The following CFAP96 variants were observed in gnomAD, a reference collection of about 807,000 sequenced individuals.
The protein encoded by CFAP96 is cilia and flagella associated protein 96, also known as cilia-and flagella-associated protein 96.
chr4:185,432,985 G>A, the CFAP96 span, among the ~76,000 whole-genome samples: 1 of 152,008 alleles, frequency 6.6e-6, no homozygotes, highest in East Asian at 1.9e-4. Context: ...CTGCCTCCTG[G>A]GTTCAAGTGG....
At chr4:185,429,489 T>A in the CFAP96 span, 1 of 1,533,456 alleles carries the variant, frequency 6.5e-7, no homozygotes, top group Non-Finnish European at 8.8e-7. Context: ...CTGTGGGTGA[T>A]AAATATGTGT....
chr4:185,431,384 A>G, the CFAP96 span, among the ~76,000 whole-genome samples: 10 of 152,358 alleles, frequency 6.6e-5, no homozygotes, highest in Non-Finnish European at 8.8e-5. Context: ...ACAGCCTTTA[A>G]AAAATTACTG....
At chr4:185,426,126 C>T in the CFAP96 span, 2 of 561,376 alleles carry the variant, frequency 3.6e-6, no homozygotes, top group Middle Eastern at 4.8e-4. Flanking sequence ...GAAGCTCACA[C>T]ATCCTTCTGT....
At chr4:185,441,710 C>A in the CFAP96 span, among the ~76,000 whole-genome samples, 2 of 149,272 alleles carry the variant, frequency 1.3e-5, no homozygotes, top group Non-Finnish European at 3.0e-5. Flanking sequence ...TTAAAATATC[C>A]TTTTGCATTT....
the CFAP96 span, chr4:185,415,997 G>T: frequency 1.5e-6 from 1 of 662,328 alleles, no homozygotes; most frequent in Non-Finnish European, 2.4e-6. Flanking sequence ...GTACAGTAGT[G>T]AAAAGGGGGA....
At chr4:185,422,270 G>A in the CFAP96 span, among the ~76,000 whole-genome samples, 1 of 152,312 alleles carries the variant, frequency 6.6e-6, no homozygotes, top group East Asian at 1.9e-4. Flanking sequence ...TCTTAAGAAA[G>A]GGAACATCTT....
chr4:185,413,932 A>G, the CFAP96 span: 2 of 1,442,340 alleles, frequency 1.4e-6, no homozygotes, highest in Non-Finnish European at 1.9e-6. Context: ...ATTCCTAGTC[A>G]ATAAATAAAG....
chr4:185,426,194 G>A, the CFAP96 span: 1 of 411,506 alleles, frequency 2.4e-6, no homozygotes, highest in East Asian at 4.2e-5. Flanking sequence ...GCTTGGAATG[G>A]ATTCTCCCGT....
At chr4:185,415,601 A>C in the CFAP96 span, 2 of 1,055,604 alleles carry the variant, frequency 1.9e-6, no homozygotes, top group Non-Finnish European at 2.7e-6. Context: ...TTAGGTTAAT[A>C]ATAAACAAGG....
the CFAP96 span, chr4:185,415,610 G>C: frequency 1.7e-5 from 19 of 1,105,184 alleles, no homozygotes; most frequent in East Asian, 4.7e-4. Context: ...TAATAAACAA[G>C]GAGAAAATCA....
chr4:185,439,150 A>G, the CFAP96 span, among the ~76,000 whole-genome samples: 1 of 152,238 alleles, frequency 6.6e-6, no homozygotes, highest in African/African-American at 2.4e-5. Flanking sequence ...TAGGCCATAC[A>G]GCAGACCAAT....
the CFAP96 span, among the ~76,000 whole-genome samples, chr4:185,425,697 C>T: frequency 2.0e-5 from 3 of 152,236 alleles, no homozygotes; most frequent in East Asian, 1.9e-4. Context: ...TTCCCCCCGG[C>T]CCAGCGCGGA....
the CFAP96 span, chr4:185,429,370 T>C: frequency 6.4e-6 from 8 of 1,240,796 alleles, no homozygotes; most frequent in Non-Finnish European, 8.7e-6. Context: ...AGGGAAACTT[T>C]TGAAGTTAGC....
chr4:185,428,102 A>ATT, the CFAP96 span, among the ~76,000 whole-genome samples: 1 of 142,160 alleles, frequency 7.0e-6, no homozygotes, highest in East Asian at 2.1e-4. Flanking sequence ...AAAAAAAAAA[A>ATT]TGGTTCTTAC....
chr4:185,425,101 C>T, the CFAP96 span, among the ~76,000 whole-genome samples: 4 of 152,182 alleles, frequency 2.6e-5, no homozygotes, highest in African/African-American at 9.7e-5. Context: ...TGACAACAGA[C>T]AGACATTTAG....
At chr4:185,443,964 T>G in the CFAP96 span, among the ~76,000 whole-genome samples, 3 of 50,762 alleles carry the variant, frequency 5.9e-5, no homozygotes, top group Admixed American at 3.2e-4. Flanking sequence ...TTTTTTTTTT[T>G]GAGACGGAGT....
chr4:185,429,512 G>GT, the CFAP96 span: 1 of 1,502,656 alleles, frequency 6.7e-7, no homozygotes, highest in East Asian at 2.5e-5. Flanking sequence ...CAATTTAATC[G>GT]TAAGTATATT....
chr4:185,417,317 T>C, the CFAP96 span, among the ~76,000 whole-genome samples: 1 of 152,218 alleles, frequency 6.6e-6, no homozygotes, highest in African/African-American at 2.4e-5. Context: ...TTTCAAATCA[T>C]TGTATCCAGC....
At chr4:185,424,804 A>C in the CFAP96 span, among the ~76,000 whole-genome samples, 1 of 152,238 alleles carries the variant, frequency 6.6e-6, no homozygotes, top group Non-Finnish European at 1.5e-5. Context: ...TTATCACTTA[A>C]GTCTGTTTCT....
Sources: allele counts gnomAD v4.1 joint callset (sites outside exome capture counted in the v4.1 genomes callset), GRCh38; gene constraint gnomAD v4.1.1; transcripts MANE v1.5; gene names NCBI Gene and HGNC (gene_info 2026-07-23, HGNC 2026-07-21).